Variants in ANO4 observed in about 807,000 individuals in gnomAD.
ANO4 encodes anoctamin-4.
A neutral mutation model predicts 141.9 loss-of-function variants in ANO4; 69 were observed. The ratio of observed to expected loss-of-function variants is 0.49; its 90% CI spans 0.40 to 0.59. The LOEUF (loss-of-function observed/expected upper bound fraction) is 0.59, where lower values mean the gene tolerates loss of function less well. Ranked by LOEUF, ANO4 falls within the 20% of genes least tolerant of loss-of-function variation. The pLI, the probability that ANO4 is intolerant of heterozygous loss-of-function variation, is 0.00. For missense variants in ANO4, 894 were observed against 1,162.2 expected, an observed-to-expected ratio of 0.77 and a Z score of 3.36; for synonymous variants, 350 against 394.3, an observed-to-expected ratio of 0.89 and a Z score of 1.33.
At position 100,818,138 on chromosome 12, in the gene ANO4, T is replaced by G. The variant is rs565922906; in HGVS notation, c.-141+23111T>G. On this transcript the variant is annotated intron_variant, in intron 1 of 27. Transcript: ENST00000392977. ...TAGAAACACCAACTTTCTTTTTACA[T>G]TTACATTTCATTTGTTTACATGGTA... Among the ~76,000 whole-genome samples, 152 of 152,026 alleles carry G rather than the reference T, an allele frequency of 1.0e-3. 1 individual carries two copies. Among genetic ancestry groups the G allele is most frequent in the Non-Finnish European group, 1.5e-3 (105 of 67,880 alleles).
intron 1 of ANO4, among the ~76,000 whole-genome samples, chr12:100,801,093 GTCTCTCTC>G (rs35462149): frequency 2.3e-4 from 34 of 147,256 alleles, no homozygotes; most frequent in South Asian, 1.3e-3. Context: ...TTGTCTACTT[GTCTCTCTC>G]TCTCTCTCTC....
rs188926248 is a variant in ANO4, at chr12:100,777,980, C to T, written c.358+37875C>T. The stretch of plus-strand genomic sequence containing the variant: ...TGTCACCCAGGCTGGAGTGTAGTGG[C>T]GTGATCTCGGCTCACTGCAAGCTCC... On this transcript the variant is annotated intron_variant, in intron 3 of 29. Transcript: ENST00000644049. 7.2e-3 allele frequency among the ~76,000 whole-genome samples: 1,065 copies of T among 147,108 alleles called. 11 individuals carry two copies. The highest frequency in any genetic ancestry group is 0.012 in the Non-Finnish European group (776 of 67,462).
intron 1 of ANO4, among the ~76,000 whole-genome samples, chr12:100,806,535 T>TTTTTTTTTTTTTTTTTTTTTG (rs2035055787): frequency 2.7e-5 from 1 of 37,684 alleles, no homozygotes; most frequent in Non-Finnish European, 4.8e-5. Context: ...TTTTTTTTTT[T>TTTTTTTTTTTTTTTTTTTTTG]TTTTTTTTTT....
chr12:100,989,181 C>A (rs1270617111), intron 8 of ANO4, among the ~76,000 whole-genome samples: 3 of 152,108 alleles, frequency 2.0e-5, no homozygotes, highest in African/African-American at 2.4e-5. Flanking sequence ...TTGAAAGGGT[C>A]ATTGAAGCAA....
intron 9 of ANO4, 100 bp from the exon 10 acceptor site, chr12:101,036,995 T>C: frequency 1.7e-6 from 2 of 1,201,924 alleles, no homozygotes; most frequent in Non-Finnish European, 2.4e-6. Context: ...GTTGATAGCC[T>C]AGATTGTTTC....
At chr12:100,868,865 G>A (rs992518860) in intron 1 of ANO4, among the ~76,000 whole-genome samples, 3 of 152,200 alleles carry the variant, frequency 2.0e-5, no homozygotes, top group African/African-American at 7.2e-5. Flanking sequence ...AGGTATTCTT[G>A]CCAAAGGCTG....
intron 7 of ANO4, among the ~76,000 whole-genome samples, chr12:100,983,693 T>A (rs896835028): frequency 2.6e-5 from 4 of 152,188 alleles, no homozygotes; most frequent in Non-Finnish European, 5.9e-5. Flanking sequence ...ACTTTGAATC[T>A]CTCTGATTCT....
chr12:100,829,458 C>T lies in ANO4; in HGVS notation c.-141+34431C>T, dbSNP rs1425987874. Among the ~76,000 whole-genome samples the T allele has an allele frequency of 3.5e-4, 53 of 151,996 alleles. 1 individual carries two copies. ...CCACTTTCATGTCAATATTTTTAAC[C>T]TAGCTGTTAGATGATCTCAGATCTC... On this transcript the variant is annotated intron_variant, in intron 1 of 27. Coordinates refer to ENST00000392977, the MANE Select transcript of ANO4 (RefSeq NM_001286615.2).
intron 1 of ANO4, among the ~76,000 whole-genome samples, chr12:100,887,891 G>A (rs2039916398): frequency 6.6e-6 from 1 of 152,162 alleles, no homozygotes; most frequent in Admixed American, 6.5e-5. Context: ...AGCTGTGGGA[G>A]GTCAAGGGTG....
intron 8 of ANO4, among the ~76,000 whole-genome samples, chr12:100,989,412 G>A (rs561466536): frequency 7.2e-5 from 11 of 152,264 alleles, no homozygotes; most frequent in South Asian, 2.1e-4. Context: ...TAATTCTTCC[G>A]GAATGATGTC....
At chr12:100,851,490 T>C (rs963465494) in intron 1 of ANO4, among the ~76,000 whole-genome samples, 1 of 152,218 alleles carries the variant, frequency 6.6e-6, no homozygotes, top group African/African-American at 2.4e-5. Flanking sequence ...TGCCTTTTAA[T>C]TTTCTCAGAC....
At chr12:100,730,508 GAATT>G (rs1288101062) in intron 1 of ANO4, among the ~76,000 whole-genome samples, 1 of 152,158 alleles carries the variant, frequency 6.6e-6, no homozygotes, top group African/African-American at 2.4e-5. Flanking sequence ...ATAGGAAGGA[GAATT>G]AATTATTTGT....
chr12:100,901,165 A>T (rs1407601608), intron 1 of ANO4, among the ~76,000 whole-genome samples: 1 of 152,226 alleles, frequency 6.6e-6, no homozygotes, highest in African/African-American at 2.4e-5. Flanking sequence ...CTGGTTGATG[A>T]GTACATGGAG....
At chr12:100,799,849 G>A (rs1448813666) in intron 1 of ANO4, among the ~76,000 whole-genome samples, 2 of 152,132 alleles carry the variant, frequency 1.3e-5, no homozygotes, top group African/African-American at 4.8e-5. Context: ...ATAGCACCTG[G>A]GCCGGATGAC....
intron 2 of ANO4, among the ~76,000 whole-genome samples, chr12:100,912,894 G>A (rs1345193575): frequency 5.3e-5 from 8 of 152,198 alleles, no homozygotes; most frequent in Admixed American, 5.2e-4. Context: ...AACAGTTAGT[G>A]CTGTGGTTTA....
intron 5 of ANO4, among the ~76,000 whole-genome samples, chr12:100,948,178 A>AG (rs2042817073): frequency 7.0e-6 from 1 of 141,950 alleles, no homozygotes; most frequent in Non-Finnish European, 1.5e-5. Flanking sequence ...AAAAAAAAAA[A>AG]GTTAGGAGAC....
At chr12:100,999,221 G>C (rs1220795470) in intron 8 of ANO4, among the ~76,000 whole-genome samples, 2 of 152,210 alleles carry the variant, frequency 1.3e-5, no homozygotes, top group Non-Finnish European at 2.9e-5. Context: ...GTATGTCAAG[G>C]CTGCACTCCT....
At chr12:101,061,793 A>G (rs2048358949) in intron 14 of ANO4, among the ~76,000 whole-genome samples, 2 of 151,730 alleles carry the variant, frequency 1.3e-5, no homozygotes, top group African/African-American at 4.8e-5. Context: ...CCTTTTTTCA[A>G]GGTTCTTAGC....
At chr12:100,951,652 G>A (rs1426221030) in intron 5 of ANO4, among the ~76,000 whole-genome samples, 3 of 152,254 alleles carry the variant, frequency 2.0e-5, no homozygotes, top group East Asian at 1.9e-4. Context: ...ATGGACATAT[G>A]TCTCTTCTTT....
Sources: allele counts gnomAD v4.1 joint callset (sites outside exome capture counted in the v4.1 genomes callset), GRCh38; gene constraint gnomAD v4.1.1; transcripts MANE v1.5; gene names NCBI Gene and HGNC (gene_info 2026-07-23, HGNC 2026-07-21).